Variants in C9orf78 observed in about 807,000 individuals in gnomAD.
C9orf78 encodes chromosome 9 open reading frame 78.
A neutral mutation model predicts 37.4 loss-of-function variants in C9orf78; 19 were observed. That is an observed-to-expected ratio of 0.51 (90% CI 0.35 to 0.74). The LOEUF (loss-of-function observed/expected upper bound fraction) is 0.74, where lower values mean the gene tolerates loss of function less well. C9orf78 is among the 30% of genes least tolerant of loss of function. The probability of loss-of-function intolerance (pLI) is 0.01; values close to 1 mark genes in which losing one functional copy is unlikely to be tolerated. For missense variants in C9orf78, 291 were observed against 370.8 expected, an observed-to-expected ratio of 0.78 and a Z score of 1.77; for synonymous variants, 130 against 128.0, an observed-to-expected ratio of 1.02 and a Z score of -0.10.
At chr9:129,834,086 G>A (rs1163161558) in intron 2 of C9orf78, 2 of 241,588 alleles carry the variant, frequency 8.3e-6, no homozygotes, top group Non-Finnish European at 1.6e-5. Flanking sequence ...TCACCTACAT[G>A]TCCCAAAATA....
intron 3 of C9orf78, 70 bp downstream of exon 3, chr9:129,833,588 C>T: frequency 1.4e-6 from 2 of 1,438,534 alleles, no homozygotes; most frequent in Admixed American, 1.7e-5. Flanking sequence ...TTTTGTGAAG[C>T]ACGCTCACTC....
rs754889288 is a variant in C9orf78, at chr9:129,831,006, T to C, written c.407A>G (p.Lys136Arg). 5.6e-6 allele frequency: 9 copies of C among 1,613,536 alleles called. No homozygotes were observed. Among genetic ancestry groups the C allele is most frequent in the Non-Finnish European group, 7.6e-6 (9 of 1,179,558 alleles). ...RKGIVEHEEQ[K>R]VKPKNAEDCL... ...GTCCTCTGCATTCTTTGGCTTAACT[T>C]TCTGTTCCTCATGTTCCACGATCCC... The change falls in exon 6 of 9, where the codon AAA (lysine) becomes AGA (arginine). Residue 136 changes from lysine to arginine, a missense_variant. By Grantham distance (26) the Lys-to-Arg change is conservative. Transcript: ENST00000372447.
Position 129,829,468 on chromosome 9 carries a change from T to C in C9orf78, c.616A>G (p.Lys206Glu). The change falls in exon 7 of 9, where the codon AAA (lysine) becomes GAA (glutamate). Residue 206 changes from lysine (K) to glutamate (E), a missense_variant. Transcript: ENST00000372447. ...GGCACGAAGGAGGTCTCGCTGTCTT[T>C]CTTCTTGTTCTGCTGCTCTGCCAGC... ...RLLAEQQNKK[K>E]DSETSFVPTN... 6.2e-7 allele frequency: 1 copy of C among 1,614,102 alleles called. No individual in the cohort carries two copies. Among genetic ancestry groups the C allele is most frequent in the South Asian group, 1.1e-5 (1 of 91,074 alleles).
At chr9:129,828,917 T>C in intron 8 of C9orf78, 1 of 488,782 alleles carries the variant, frequency 2.0e-6, no homozygotes, top group Non-Finnish European at 3.7e-6. Context: ...TAGCTTTTAT[T>C]TGTCCTTACT....
intron 1 of C9orf78, 183 bp from the exon 2 acceptor site, chr9:129,834,949 G>A: frequency 1.5e-6 from 1 of 664,030 alleles, no homozygotes; most frequent in Non-Finnish European, 2.6e-6. Flanking sequence ...TGCGCATCCC[G>A]GAGGCATCTC....
Position 129,835,205 on chromosome 9 carries a change from T to C in C9orf78, c.17A>G (p.Lys6Arg). 2 of 1,610,446 alleles carry C rather than the reference T, an allele frequency of 1.2e-6. No homozygotes were observed. Among genetic ancestry groups the C allele is most frequent in the East Asian group, 4.5e-5 (2 of 44,418 alleles). The change falls in exon 1 of 9, where the codon AAG becomes AGG. Residue 6 changes from lysine to arginine, a missense_variant. This residue lies in a region of C9orf78 where 158 missense variants were observed against 174.8 expected (regional missense o/e 0.90). Transcript: ENST00000372447. ...GTCGCCCCGGCGGCGACGGAAAATC[T>C]TCCGGACGACCGGCATGGTGACAAC... is the stretch of plus-strand genomic sequence containing the variant. The part of the protein sequence containing the change: MPVVR[K>R]IFRRRRGDSE...
At chr9:129,829,327 C>T (rs1244333271) in intron 7 of C9orf78, 24 bp from the exon 8 acceptor site, 1 of 1,599,010 alleles carries the variant, frequency 6.3e-7, no homozygotes, top group South Asian at 1.1e-5. Context: ...GACCAGGGGA[C>T]ACGTTAGAAC....
intron 2 of C9orf78, chr9:129,834,474 C>T (rs1312139374): frequency 2.1e-6 from 1 of 465,374 alleles, no homozygotes; most frequent in African/African-American, 2.0e-5. Context: ...TAATAAAAAA[C>T]GCGAGTTAGT....
Position 129,833,501 on chromosome 9 carries a change from A to C in C9orf78, c.212T>G (p.Met71Arg). 1 of 1,604,038 alleles carries C rather than the reference A, an allele frequency of 6.2e-7. No homozygotes were observed. The highest frequency in any genetic ancestry group is 2.2e-5 in the East Asian group (1 of 44,830). The change falls in exon 4 of 9, where the codon ATG becomes AGG. Residue 71 changes from methionine (M) to arginine (R), a missense_variant. Transcript: ENST00000372447. ...CATATCCACCATACCACCTGTCTTCATCTGAAAGGGATCATCCTGCAGAAA... is the reference window on the plus strand; with the variant it reads ...CATATCCACCATACCACCTGTCTTCCTCTGAAAGGGATCATCCTGCAGAAA... ...ETTLVDDPFQ[M>R]KTGGMVDMKK...
rs199532327 is a variant in C9orf78 at position 129,835,125 on chromosome 9, C to T, written c.83+14G>A. On this transcript the variant is annotated intron_variant, in intron 1 of 8. Coordinates refer to ENST00000372447, the MANE Select transcript of C9orf78 (RefSeq NM_016520.3). ...ATCTTTACCAAGCCTATGGGAGCCC[C>T]GCCCCAAACGCACCGAACCTCCTCT... 2.1e-4 allele frequency: 331 copies of T among 1,599,118 alleles called. No homozygotes were observed. Among genetic ancestry groups the T allele is most frequent in the African/African-American group, 1.2e-3 (88 of 74,578 alleles).
At chr9:129,831,744 T>A in intron 5 of C9orf78, 152 bp downstream of exon 5, 1 of 642,708 alleles carries the variant, frequency 1.6e-6, no homozygotes, top group Non-Finnish European at 2.8e-6. Context: ...TTTTAAGAGG[T>A]TTTCAAAGTT....
At chr9:129,833,065 ATATG>A (rs1380331582) in intron 4 of C9orf78, among the ~76,000 whole-genome samples, 3 of 101,682 alleles carry the variant, frequency 3.0e-5, no homozygotes, top group East Asian at 2.2e-4. Context: ...ATGTGTGTAC[ATATG>A]TGTGTGTGTG....
chr9:129,835,140 G>C lies in C9orf78; in HGVS notation c.82C>G (p.Arg28Gly). 1 of 1,609,758 alleles carries C rather than the reference G, an allele frequency of 6.2e-7. No individual in the cohort carries two copies. Residue 28 changes from arginine to glycine, a missense_variant and splice_region_variant, in exon 1 of 9, where the codon CGA becomes GGA. This residue lies in a region of C9orf78 where 158 missense variants were observed against 174.8 expected (regional missense o/e 0.90). Coordinates refer to ENST00000372447, the MANE Select transcript of C9orf78 (RefSeq NM_016520.3). ...EEDEQDSEEV[R>G]LKLEETREVQ... ...ATGGGAGCCCCGCCCCAAACGCACC[G>C]AACCTCCTCTGAGTCCTGCTCATCT...
At chr9:129,832,602 C>T (rs1372370626) in intron 4 of C9orf78, among the ~76,000 whole-genome samples, 2 of 152,020 alleles carry the variant, frequency 1.3e-5, no homozygotes, top group African/African-American at 2.4e-5. Context: ...CAATGCCCGG[C>T]TAACTTTTGT....
intron 5 of C9orf78, 94 bp downstream of exon 5, chr9:129,831,802 G>A (rs1159512098): frequency 1.3e-5 from 10 of 767,548 alleles, no homozygotes; most frequent in African/African-American, 3.4e-5. Flanking sequence ...ACATCTTCTA[G>A]AAAATTCTAG....
Position 129,827,783 on chromosome 9 carries a change from CTTT to C in C9orf78, c.*375_*377del, listed in dbSNP as rs56021512. On this transcript the variant is annotated 3_prime_UTR_variant, in exon 9 of 9. Coordinates refer to ENST00000372447, the MANE Select transcript of C9orf78 (RefSeq NM_016520.3). Reference sequence around the variant, plus strand: ...TGTCCTGGAAGCCATTTTTCTTTTTCTTTTTTTTTTTTTTTTTTTTTTTTGAGA... The same window carrying C: ...TGTCCTGGAAGCCATTTTTCTTTTTCTTTTTTTTTTTTTTTTTTTTTGAGA... 28 of 112,578 alleles carry C rather than the reference CTTT, an allele frequency of 2.5e-4. No individual in the cohort carries two copies. The highest frequency in any genetic ancestry group is 5.6e-3 in the Middle Eastern group (1 of 180). 7.0% of individuals were successfully genotyped at this position (112,578 alleles called of 1,614,324 possible).
In C9orf78 at chr9:129,830,583, G is replaced by A. The variant is rs147853670; in HGVS notation, c.542+288C>T. On this transcript the variant is annotated intron_variant, in intron 6 of 8. Transcript: ENST00000372447. ...GACTGGAGTGCAGTGGCATGATCTC[G>A]CCTCACTGCAACCTCCACCTTCAGG... 2,347 of 390,604 alleles carry A rather than the reference G, an allele frequency of 6.0e-3. 46 individuals are homozygous for A. The highest frequency in any genetic ancestry group is 0.043 in the African/African-American group (2,075 of 48,320). The allele number at this position is 390,604 out of a possible 1,614,324, so 24.2% of individuals were successfully genotyped here.
At position 129,834,742 on chromosome 9, in the gene C9orf78, C is replaced by T. The variant is rs3814547; in HGVS notation, c.108G>A (p.Glu36=). ...TGGGCCTCTTCCTCAAGTTCTGTACCTCTCTGGTCTCTTCCAGTTTTAATC... is the reference window on the plus strand; with the variant it reads ...TGGGCCTCTTCCTCAAGTTCTGTACTTCTCTGGTCTCTTCCAGTTTTAATC... ...EVRLKLEETR[E]VQNLRKRPNG... Residue 36 remains glutamate, a synonymous_variant, in exon 2 of 9, where the codon GAG becomes GAA. Coordinates refer to ENST00000372447, the MANE Select transcript of C9orf78 (RefSeq NM_016520.3). 389,062 of 1,605,920 alleles carry T rather than the reference C, an allele frequency of 0.24. 48,211 individuals are homozygous for T. Among genetic ancestry groups the T allele is most frequent in the South Asian group, 0.27 (24,550 of 90,698 alleles).
At position 129,829,298 on chromosome 9, in the gene C9orf78, G is replaced by T. The variant is rs756733770; in HGVS notation, c.685C>A (p.His229Asn). Residue 229 changes from histidine (H) to asparagine (N), a missense_variant, in exon 8 of 9, where the codon CAT becomes AAT. By Grantham distance (68) the His-to-Asn change is moderately conservative (BLOSUM62 1). Around this residue, in one of 3 missense-constraint regions of C9orf78, gnomAD observed 120 missense variants for 148.7 expected, o/e 0.81. Coordinates refer to ENST00000372447, the MANE Select transcript of C9orf78 (RefSeq NM_016520.3). The part of the protein sequence containing the change: ...VNYVQHNRFY[H>N]EELNAPIRRN... ...CGTATGGGCGCGTTGAGCTCCTCATGATAAACTGGACCCAAAGAGACCAGG... is the reference window on the plus strand; with the variant it reads ...CGTATGGGCGCGTTGAGCTCCTCATTATAAACTGGACCCAAAGAGACCAGG... 6.2e-7 allele frequency: 1 copy of T among 1,605,690 alleles called. No individual in the cohort carries two copies. Among genetic ancestry groups the T allele is most frequent in the Non-Finnish European group, 8.5e-7 (1 of 1,175,678 alleles).
Sources: allele counts gnomAD v4.1 joint callset (sites outside exome capture counted in the v4.1 genomes callset), GRCh38; gene constraint gnomAD v4.1.1; regional missense constraint gnomAD v4.1.1; transcripts MANE v1.5; gene names NCBI Gene and HGNC (gene_info 2026-07-23, HGNC 2026-07-21).